The following RNGTT variants were observed in gnomAD, a reference collection of about 807,000 sequenced individuals.
The protein encoded by RNGTT is RNA guanylyltransferase and 5'-phosphatase, also known as mRNA-capping enzyme.
Under a neutral mutation model 79.3 loss-of-function variants are expected in RNGTT, and 33 were observed. The ratio of observed to expected loss-of-function variants is 0.42; its 90% confidence interval spans 0.32 to 0.56. RNGTT has a LOEUF of 0.56. Ranked by LOEUF, RNGTT falls within the 20% of genes least tolerant of loss-of-function variation. The pLI, the probability that RNGTT is intolerant of heterozygous loss-of-function variation, is 0.17. For missense variants in RNGTT, 497 were observed against 739.1 expected (o/e 0.67, Z 3.80); for synonymous variants, 222 against 235.9 (o/e 0.94, Z 0.54).
At chr6:88,924,227 A>C (rs574220783) in intron 4 of RNGTT, among the ~76,000 whole-genome samples, 125 of 152,320 alleles carry the variant, frequency 8.2e-4, no homozygotes, top group African/African-American at 2.9e-3. Flanking sequence ...GAGCTCTCAG[A>C]AATATAATTT....
At chr6:88,645,650 A>G (rs1773519878) in intron 14 of RNGTT, among the ~76,000 whole-genome samples, 1 of 152,210 alleles carries the variant, frequency 6.6e-6, no homozygotes, top group Non-Finnish European at 1.5e-5. Context: ...TGGTACCAAA[A>G]CAGAGATACA....
chr6:88,808,225 G>A (rs754154073), intron 11 of RNGTT, among the ~76,000 whole-genome samples: 1 of 152,090 alleles, frequency 6.6e-6, no homozygotes, highest in African/African-American at 2.4e-5. Context: ...TATTAACAAT[G>A]TATTGTAGGA....
intron 13 of RNGTT, among the ~76,000 whole-genome samples, chr6:88,679,249 A>T (rs947003523): frequency 6.6e-6 from 1 of 152,218 alleles, no homozygotes; most frequent in Admixed American, 6.5e-5. Context: ...ATTGGAAAGT[A>T]GCGGAATAAA....
intron 14 of RNGTT, among the ~76,000 whole-genome samples, chr6:88,639,235 G>T (rs1215948782): frequency 1.3e-5 from 2 of 151,882 alleles, no homozygotes; most frequent in Non-Finnish European, 2.9e-5. Context: ...AAGCAGTTAC[G>T]AGGCTTTTAA....
intron 5 of RNGTT, among the ~76,000 whole-genome samples, chr6:88,905,894 C>T (rs973313180): frequency 2.0e-5 from 3 of 152,110 alleles, no homozygotes; most frequent in Middle Eastern, 3.2e-3. Flanking sequence ...CCTGTAATCC[C>T]AACATTTTGG....
rs746472579 is a variant in RNGTT, at chr6:88,647,701, T to TAAAAAAAAAAA, written c.1506+30641_1506+30651dup. Among the ~76,000 whole-genome samples, 222 of 100,806 alleles carry TAAAAAAAAAAA rather than the reference T, an allele frequency of 2.2e-3. 5 individuals are homozygous for TAAAAAAAAAAA. The highest frequency in any genetic ancestry group is 3.2e-3 in the Non-Finnish European group (175 of 55,264). 66.1% of individuals were successfully genotyped at this position (100,806 alleles called of 152,430 possible). ...CTGGGTGACAGAACCGACACCCTGTTAAAAAAAAAAAAAAAAGAAGAAGAA... is the reference window on the plus strand; with the variant it reads ...CTGGGTGACAGAACCGACACCCTGTTAAAAAAAAAAAAAAAAAAAAAAAAAAAGAAGAAGAA... On this transcript the variant is annotated intron_variant, in intron 14 of 15. Transcript: ENST00000369485.
rs769618357 is a variant in RNGTT, at chr6:88,963,307, T to C, written c.64+39A>G. 2.1e-5 allele frequency: 34 copies of C among 1,607,602 alleles called. No homozygotes were observed. In the Admixed American group the frequency reaches 5.7e-4, roughly 27 times the overall value. On this transcript the variant is annotated intron_variant, in intron 1 of 15. Transcript: ENST00000369485. ...TCAGTCGGCCCACCCCCGGGCACGT[T>C]GGAGTGTGGGGATTCGAACGCCCCC...
chr6:88,747,872 C>G (rs1236857390), intron 13 of RNGTT, among the ~76,000 whole-genome samples: 3 of 152,172 alleles, frequency 2.0e-5, no homozygotes, highest in Non-Finnish European at 4.4e-5. Context: ...ATGTATATAT[C>G]TGAATGTAAT....
chr6:88,675,705 GA>G lies in RNGTT; in HGVS notation c.1506+2647del, dbSNP rs59044283. 2.1e-3 allele frequency among the ~76,000 whole-genome samples: 304 copies of G among 145,982 alleles called. 7 individuals carry two copies. Among genetic ancestry groups the G allele is most frequent in the Admixed American group, 0.018 (274 of 14,818 alleles). On this transcript the variant is annotated intron_variant, in intron 14 of 15. Coordinates refer to ENST00000369485, the MANE Select transcript of RNGTT (RefSeq NM_003800.5). ...AGAGTTTAAAGCCAATACATGAAAAGAAAAAAAAAACAATCAGCTTTTTACA... is the reference window on the plus strand; with the variant it reads ...AGAGTTTAAAGCCAATACATGAAAAGAAAAAAAAACAATCAGCTTTTTACA...
intron 13 of RNGTT, among the ~76,000 whole-genome samples, chr6:88,681,611 T>C (rs1482364771): frequency 6.6e-6 from 1 of 152,272 alleles, no homozygotes; most frequent in Middle Eastern, 3.4e-3. Flanking sequence ...GTAATTATAG[T>C]CAAGTAATAT....
At position 88,951,575 on chromosome 6, in the gene RNGTT, C is replaced by T. The variant is rs186521352; in HGVS notation, c.65-10395G>A. On this transcript the variant is annotated intron_variant, in intron 1 of 15. Transcript: ENST00000369485. ...AGTGCTGTAAATTCCACGAGACAGGCGAAAAACCATGAGCTCCCAAAGTGT... is the reference window on the plus strand; with the variant it reads ...AGTGCTGTAAATTCCACGAGACAGGTGAAAAACCATGAGCTCCCAAAGTGT... Among the ~76,000 whole-genome samples, 185 of 152,186 alleles carry T rather than the reference C, an allele frequency of 1.2e-3. 1 individual carries two copies. The highest frequency in any genetic ancestry group is 8.5e-4 in the Non-Finnish European group (58 of 68,012).
intron 13 of RNGTT, among the ~76,000 whole-genome samples, chr6:88,732,488 C>A (rs577299759): frequency 2.0e-4 from 31 of 152,304 alleles, no homozygotes; most frequent in African/African-American, 7.5e-4. Context: ...GGCTTATGAT[C>A]CAGATTCCAC....
At chr6:88,761,476 G>A (rs1423536307) in intron 13 of RNGTT, among the ~76,000 whole-genome samples, 1 of 150,882 alleles carries the variant, frequency 6.6e-6, no homozygotes, top group East Asian at 1.9e-4. Flanking sequence ...GGGCAACAGA[G>A]TAAGTCTCTA....
chr6:88,844,407 G>T lies in RNGTT; in HGVS notation c.1219C>A (p.Pro407Thr). 2 of 1,613,972 alleles carry T rather than the reference G, an allele frequency of 1.2e-6. No individual in the cohort carries two copies. The highest frequency in any genetic ancestry group is 1.7e-4 in the Middle Eastern group (1 of 6,060). The change falls in exon 11 of 16, where the codon CCA (proline) becomes ACA (threonine). Residue 407 changes from proline to threonine, a missense_variant. This residue lies in a region of RNGTT where 440 missense variants were observed against 671.5 expected (regional missense o/e 0.66). Coordinates refer to ENST00000369485, the MANE Select transcript of RNGTT (RefSeq NM_003800.5). ...KTGLIDKTQE[P>T]FSVRNKPFFD... ...AACGGCTTATTTCTGACGCTAAATG[G>T]TTCCTGTGTTTTGTCAATGAGCCCA...
chr6:88,864,505 G>A (rs1782109049), intron 8 of RNGTT, among the ~76,000 whole-genome samples: 1 of 152,098 alleles, frequency 6.6e-6, no homozygotes, highest in Non-Finnish European at 1.5e-5. Flanking sequence ...CTCTACTATA[G>A]TGGTTAAGAA....
At chr6:88,901,685 T>C (rs1037128930) in intron 6 of RNGTT, among the ~76,000 whole-genome samples, 1 of 151,894 alleles carries the variant, frequency 6.6e-6, no homozygotes, top group Admixed American at 6.6e-5. Flanking sequence ...TTTTTTGTAT[T>C]TTTAGTAGAG....
At chr6:88,942,223 A>T (rs528526258) in intron 1 of RNGTT, among the ~76,000 whole-genome samples, 12 of 152,302 alleles carry the variant, frequency 7.9e-5, no homozygotes, top group African/African-American at 2.9e-4. Flanking sequence ...TTCTGAGAGG[A>T]TGCTAACCAA....
chr6:88,959,733 T>C (rs117852075), intron 1 of RNGTT, among the ~76,000 whole-genome samples: 2,183 of 152,134 alleles, frequency 0.014, 13 homozygotes, highest in Admixed American at 0.02. Flanking sequence ...TGGATTCAAA[T>C]AATCTCATCT....
chr6:88,617,436 T>C (rs1431963886), intron 14 of RNGTT, among the ~76,000 whole-genome samples: 2 of 152,234 alleles, frequency 1.3e-5, no homozygotes, highest in African/African-American at 4.8e-5. Flanking sequence ...GTTGAAGATA[T>C]TGATTGTCCC....
Sources: gnomAD v4.1 joint callset for allele counts (sites outside exome capture counted in the v4.1 genomes callset) on GRCh38, gnomAD v4.1.1 for gene constraint, gnomAD v4.1.1 regional missense constraint, MANE v1.5 for transcripts, NCBI Gene and HGNC (gene_info 2026-07-23, HGNC 2026-07-21) for gene names.